The following SPAG9 variants were observed in gnomAD, a reference collection of about 807,000 sequenced individuals.
The protein encoded by SPAG9 is C-Jun-amino-terminal kinase-interacting protein 4.
A neutral mutation model predicts 166.5 loss-of-function variants in SPAG9; 35 were observed. The ratio of observed to expected loss-of-function variants is 0.21; its 90% CI spans 0.16 to 0.28. The LOEUF is 0.28. Among genes scored for constraint, SPAG9 ranks in the 10% least tolerant of loss-of-function variants. The pLI is 1.00. For synonymous variants in SPAG9, 534 were observed against 565.5 expected, an observed-to-expected ratio of 0.94 and a Z score of 0.79; for missense variants, 1,235 against 1,603.3, an observed-to-expected ratio of 0.77 and a Z score of 3.92.
chr17:51,072,137 T>C (rs373893221), intron 2 of SPAG9, among the ~76,000 whole-genome samples: 1 of 152,084 alleles, frequency 6.6e-6, no homozygotes, highest in Non-Finnish European at 1.5e-5. Context: ...AGTGGCGTGA[T>C]CTTGGCTCAA....
chr17:50,977,809 A>G (rs778466005), intron 26 of SPAG9, among the ~76,000 whole-genome samples: 1 of 152,138 alleles, frequency 6.6e-6, no homozygotes, highest in Non-Finnish European at 1.5e-5. Flanking sequence ...ACTTGAGCGC[A>G]GGAGTTTGAG....
chr17:51,108,698 T>C (rs2049022703), intron 1 of SPAG9, among the ~76,000 whole-genome samples: 1 of 152,172 alleles, frequency 6.6e-6, no homozygotes, highest in Non-Finnish European at 1.5e-5. Context: ...GGTCTCACTA[T>C]GTTGCCCAGG....
intron 4 of SPAG9, among the ~76,000 whole-genome samples, chr17:51,045,336 T>G (rs2046982261): frequency 6.6e-6 from 1 of 152,198 alleles, no homozygotes; most frequent in Non-Finnish European, 1.5e-5. Flanking sequence ...CTTCAAAGCC[T>G]AAATATACAG....
At chr17:51,069,619 T>C (rs951317069) in intron 2 of SPAG9, among the ~76,000 whole-genome samples, 2 of 152,148 alleles carry the variant, frequency 1.3e-5, no homozygotes, top group Admixed American at 6.5e-5. Flanking sequence ...AATTTAAACA[T>C]TCCTTTAAAA....
intron 2 of SPAG9, among the ~76,000 whole-genome samples, chr17:51,073,841 G>A (rs1056119867): frequency 5.9e-5 from 9 of 152,202 alleles, no homozygotes; most frequent in East Asian, 1.9e-4. Context: ...GGTGGCTCAC[G>A]CCTGTAATCC....
chr17:51,091,251 C>T (rs564408230), intron 1 of SPAG9, among the ~76,000 whole-genome samples: 15 of 140,228 alleles, frequency 1.1e-4, no homozygotes, highest in African/African-American at 3.0e-4. Context: ...CCAGCCTGAG[C>T]GACGGATCAA....
intron 13 of SPAG9, 124 bp downstream of exon 13, chr17:51,001,591 G>T: frequency 1.1e-6 from 1 of 884,944 alleles, no homozygotes; most frequent in Non-Finnish European, 1.6e-6. Flanking sequence ...ACTTTAAAAA[G>T]TCTCTCCTAG....
chr17:51,007,376 TA>T, intron 9 of SPAG9, 50 bp from the exon 10 acceptor site: 1 of 979,912 alleles, frequency 1.0e-6, no homozygotes, highest in Non-Finnish European at 1.5e-6. Flanking sequence ...CATCAATAAT[TA>T]TATACATTTA....
intron 6 of SPAG9, among the ~76,000 whole-genome samples, chr17:51,022,648 A>G (rs72826411): frequency 0.069 from 10,406 of 151,124 alleles, 400 homozygotes; most frequent in Non-Finnish European, 0.089. Context: ...TAATAATAAT[A>G]ATAATAATAA....
At chr17:51,095,517 G>A (rs180688495) in intron 1 of SPAG9, among the ~76,000 whole-genome samples, 1 of 150,674 alleles carries the variant, frequency 6.6e-6, no homozygotes, top group Admixed American at 6.7e-5. Flanking sequence ...CAGGCATGGT[G>A]GTGCGCACCT....
intron 1 of SPAG9, among the ~76,000 whole-genome samples, chr17:51,119,724 C>G (rs1006223982): frequency 6.6e-6 from 1 of 152,154 alleles, no homozygotes; most frequent in Non-Finnish European, 1.5e-5. Context: ...CGGAGGAATG[C>G]TTTGGTTTGG....
At chr17:51,078,378 G>C (rs2048072790) in intron 2 of SPAG9, among the ~76,000 whole-genome samples, 1 of 152,126 alleles carries the variant, frequency 6.6e-6, no homozygotes, top group Admixed American at 6.5e-5. Flanking sequence ...GAGTACTAGA[G>C]AGAACAGTCA....
intron 2 of SPAG9, among the ~76,000 whole-genome samples, chr17:51,063,063 T>C (rs2047561429): frequency 1.3e-5 from 2 of 152,200 alleles, no homozygotes. Context: ...ATGTTTTTAA[T>C]GCACAAAAAG....
chr17:51,013,006 C>T (rs1288349346), intron 9 of SPAG9, among the ~76,000 whole-genome samples: 4 of 152,112 alleles, frequency 2.6e-5, no homozygotes, highest in Non-Finnish European at 5.9e-5. Context: ...GTTGGGATTA[C>T]AGGCGTGAGC....
intron 1 of SPAG9, among the ~76,000 whole-genome samples, chr17:51,095,282 T>G (rs376774649): frequency 2.0e-3 from 215 of 109,148 alleles, no homozygotes; most frequent in African/African-American, 7.9e-3. Flanking sequence ...GGGGACAGAG[T>G]GAGACTCCAT....
chr17:51,032,038 T>C (rs2046404258), intron 5 of SPAG9: 1 of 471,198 alleles, frequency 2.1e-6, no homozygotes, highest in Non-Finnish European at 4.0e-6. Context: ...TCCAGTCCCT[T>C]TGACTATTTA....
At chr17:50,972,498 G>T (rs1312642699) in intron 28 of SPAG9, among the ~76,000 whole-genome samples, 1 of 152,106 alleles carries the variant, frequency 6.6e-6, no homozygotes, top group Non-Finnish European at 1.5e-5. Context: ...TGAAATAATA[G>T]AAAGAGAGAA....
In SPAG9 at chr17:50,985,690, A is replaced by G. The variant is rs1270393680; in HGVS notation, c.3020+8T>C. Reference sequence around the variant, plus strand: ...TTTAACAAGAAGAATTTCCAAAATAAAACTTACACAATACTGAGAATCGAA... The same window carrying G: ...TTTAACAAGAAGAATTTCCAAAATAGAACTTACACAATACTGAGAATCGAA... On this transcript the variant is annotated splice_region_variant and intron_variant, in intron 23 of 29. Coordinates refer to ENST00000262013, the MANE Select transcript of SPAG9 (RefSeq NM_001130528.3). 3.2e-6 allele frequency: 5 copies of G among 1,540,778 alleles called. No individual in the cohort carries two copies. Among genetic ancestry groups the G allele is most frequent in the Middle Eastern group, 1.7e-4 (1 of 5,908 alleles).
intron 28 of SPAG9, among the ~76,000 whole-genome samples, chr17:50,972,055 C>A (rs898859008): frequency 3.3e-5 from 5 of 152,314 alleles, no homozygotes; most frequent in African/African-American, 1.2e-4. Flanking sequence ...GCATGAGACA[C>A]TGTGCCTGGT....
Sources: allele counts gnomAD v4.1 joint callset (sites outside exome capture counted in the v4.1 genomes callset), GRCh38; gene constraint gnomAD v4.1.1; transcripts MANE v1.5; gene names NCBI Gene and HGNC (gene_info 2026-07-23, HGNC 2026-07-21).